Variants in NR6A1 observed in about 807,000 individuals in gnomAD.
NR6A1 encodes retinoic acid receptor-related testis-associated receptor.
Under a neutral mutation model 59.1 loss-of-function variants are expected in NR6A1, and 7 were observed. The ratio of observed to expected loss-of-function variants is 0.12; its 90% CI spans 0.07 to 0.22. The LOEUF is 0.22. Among genes scored for constraint, NR6A1 ranks in the 10% least tolerant of loss-of-function variants. NR6A1 has a pLI of 1.00. For missense variants in NR6A1, 468 were observed against 611.6 expected (o/e 0.77, Z 2.48); for synonymous variants, 243 against 236.1 (o/e 1.03, Z -0.27).
chr9:124,609,903 C>T (rs917070115), intron 2 of NR6A1, among the ~76,000 whole-genome samples: 10 of 152,210 alleles, frequency 6.6e-5, no homozygotes, highest in African/African-American at 2.2e-4. Flanking sequence ...TGACTTGGCT[C>T]TCTGGTTATC....
At chr9:124,693,883 A>T in intron 2 of NR6A1, 1 of 454,470 alleles carries the variant, frequency 2.2e-6, no homozygotes, top group Non-Finnish European at 4.6e-6. Flanking sequence ...TATTTCCAAA[A>T]CACTAGCTAA....
chr9:124,688,045 G>C (rs1013161423), intron 2 of NR6A1, among the ~76,000 whole-genome samples: 2 of 152,178 alleles, frequency 1.3e-5, no homozygotes, highest in African/African-American at 4.8e-5. Context: ...AAGTTGGCTG[G>C]GCACAGTGGC....
intron 2 of NR6A1, among the ~76,000 whole-genome samples, chr9:124,701,218 T>C (rs561103506): frequency 6.6e-6 from 1 of 152,358 alleles, no homozygotes; most frequent in Admixed American, 6.5e-5. Context: ...TTCTAGTTTC[T>C]ACACATCCTA....
In NR6A1 at chr9:124,599,577, C is replaced by T. The variant is rs1835388853; in HGVS notation, c.143-45007G>A. 1.3e-5 allele frequency: 14 copies of T among 1,095,412 alleles called. No homozygotes were observed. In the South Asian group the frequency reaches 2.0e-4, roughly 16 times the overall value. The allele number at this position is 1,095,412 out of a possible 1,614,324, so 67.9% of individuals were successfully genotyped here. On this transcript the variant is annotated intron_variant, in intron 2 of 9. Coordinates refer to ENST00000487099, the MANE Select transcript of NR6A1 (RefSeq NM_033334.4). ...TCTTCCTGAGTGTCCGTGGCAGCCG[C>T]CATGAGGGCGCGGCGGCGGCGGCCG...
chr9:124,703,727 G>C (rs1461418474), intron 2 of NR6A1, among the ~76,000 whole-genome samples: 1 of 152,156 alleles, frequency 6.6e-6, no homozygotes, highest in Non-Finnish European at 1.5e-5. Flanking sequence ...ATCCTTGTTG[G>C]GTTACCAGGA....
At chr9:124,566,306 G>A (rs1285518261) in intron 2 of NR6A1, among the ~76,000 whole-genome samples, 1 of 152,198 alleles carries the variant, frequency 6.6e-6, no homozygotes, top group South Asian at 2.1e-4. Context: ...GCAGTGTTCT[G>A]TATCTTGACG....
chr9:124,611,760 A>AGT (rs1835752431), intron 2 of NR6A1, among the ~76,000 whole-genome samples: 1 of 104,990 alleles, frequency 9.5e-6, no homozygotes, highest in Non-Finnish European at 1.9e-5. Flanking sequence ...AGAGAGAGAG[A>AGT]GAGAGAGAGA....
chr9:124,597,387 A>G (rs1454590227), intron 2 of NR6A1, among the ~76,000 whole-genome samples: 1 of 151,644 alleles, frequency 6.6e-6, no homozygotes, highest in Non-Finnish European at 1.5e-5. Flanking sequence ...TGAGGGTGGA[A>G]AAAATGGAAG....
At chr9:124,640,766 G>T (rs1024505672) in intron 2 of NR6A1, among the ~76,000 whole-genome samples, 5 of 151,586 alleles carry the variant, frequency 3.3e-5, no homozygotes, top group African/African-American at 1.2e-4. Flanking sequence ...AGGATTACAG[G>T]CATGCACCAC....
intron 3 of NR6A1, 79 bp from the exon 4 acceptor site, chr9:124,543,936 G>T: frequency 8.2e-7 from 1 of 1,217,102 alleles, no homozygotes; most frequent in Non-Finnish European, 1.2e-6. Flanking sequence ...AGTTTACTTG[G>T]CCAAAAGCAT....
intron 1 of NR6A1, among the ~76,000 whole-genome samples, chr9:124,760,457 GCC>G (rs1294861522): frequency 2.0e-5 from 3 of 152,126 alleles, no homozygotes; most frequent in East Asian, 3.9e-4. Context: ...ATAGATAAAT[GCC>G]CCAGATTCTC....
intron 2 of NR6A1, among the ~76,000 whole-genome samples, chr9:124,619,232 C>T (rs548416874): frequency 6.6e-6 from 1 of 152,168 alleles, no homozygotes; most frequent in Non-Finnish European, 1.5e-5. Context: ...TGAAATAAAA[C>T]AAGCTACACA....
At chr9:124,561,545 A>G (rs1229611304) in intron 2 of NR6A1, among the ~76,000 whole-genome samples, 1 of 152,234 alleles carries the variant, frequency 6.6e-6, no homozygotes, top group Non-Finnish European at 1.5e-5. Flanking sequence ...AATAGAATAA[A>G]GTAGCTTTGC....
intron 2 of NR6A1, among the ~76,000 whole-genome samples, chr9:124,722,857 A>G (rs1459793070): frequency 1.3e-5 from 2 of 152,050 alleles, no homozygotes; most frequent in African/African-American, 4.8e-5. Flanking sequence ...AGTAACTGGG[A>G]CTACAGGTAC....
rs1189544481 is a variant in NR6A1 at position 124,521,011 on chromosome 9, A to G, written c.*1694T>C. On this transcript the variant is annotated 3_prime_UTR_variant, in exon 10 of 10. Coordinates refer to ENST00000487099, the MANE Select transcript of NR6A1 (RefSeq NM_033334.4). ...ACATGGACTACCCAGTATGCACACGACGTGGTGCCCTCCTGGGTAGCTTTA... is the reference window on the plus strand; with the variant it reads ...ACATGGACTACCCAGTATGCACACGGCGTGGTGCCCTCCTGGGTAGCTTTA... 1 of 152,252 alleles carries G rather than the reference A, an allele frequency of 6.6e-6. No homozygotes were observed. The highest frequency in any genetic ancestry group is 1.5e-5 in the Non-Finnish European group (1 of 68,044). 9.4% of individuals were successfully genotyped at this position (152,252 alleles called of 1,614,324 possible).
chr9:124,536,102 G>C lies in NR6A1; in HGVS notation c.855C>G (p.Ala285=), dbSNP rs369992881. Residue 285 remains alanine (A), a synonymous_variant, in exon 7 of 10, where the codon GCC becomes GCG. Transcript: ENST00000487099. ...GYAVTQAELF[A]LLCRLADELL... ...GCTCGTCGGCCAGGCGGCAAAGCAG[G>C]GCAAATAGTTCTGCCTGTGTCACAG... The C allele has an allele frequency of 6.2e-7, 1 of 1,613,872 alleles. No individual in the cohort carries two copies. The highest frequency in any genetic ancestry group is 1.3e-5 in the African/African-American group (1 of 74,930).
Position 124,719,587 on chromosome 9 carries a change from C to T in NR6A1, c.142+13721G>A, listed in dbSNP as rs560457618. Among the ~76,000 whole-genome samples the T allele has an allele frequency of 5.3e-5, 8 of 152,158 alleles. No homozygotes were observed. In the South Asian group the frequency reaches 1.7e-3, roughly 32 times the overall value. On this transcript the variant is annotated intron_variant, in intron 2 of 9. Coordinates refer to ENST00000487099, the MANE Select transcript of NR6A1 (RefSeq NM_033334.4). ...AACGTAAATGGGTAAAGGAGGCCAC[C>T]AAGGTTCTGTGAAAACCTAAGAGTA...
chr9:124,746,336 C>A (rs1157285384), intron 1 of NR6A1, among the ~76,000 whole-genome samples: 2 of 152,172 alleles, frequency 1.3e-5, no homozygotes, highest in East Asian at 3.9e-4. Context: ...CACCTGTAAT[C>A]CCAGCACTTT....
intron 1 of NR6A1, among the ~76,000 whole-genome samples, chr9:124,736,053 T>C (rs538910381): frequency 1.3e-5 from 2 of 152,302 alleles, no homozygotes; most frequent in South Asian, 4.1e-4. Flanking sequence ...TTGAACATCA[T>C]GCCAGAAGTG....
Sources: allele counts gnomAD v4.1 joint callset (sites outside exome capture counted in the v4.1 genomes callset), GRCh38; gene constraint gnomAD v4.1.1; transcripts MANE v1.5; gene names NCBI Gene and HGNC (gene_info 2026-07-23, HGNC 2026-07-21).